The following DLGAP1 variants were observed in gnomAD, a reference collection of about 807,000 sequenced individuals.
The protein encoded by DLGAP1 is disks large-associated protein 1.
A neutral mutation model predicts 90.8 loss-of-function variants in DLGAP1; 11 were observed. The ratio of observed to expected loss-of-function variants is 0.12; its 90% CI spans 0.08 to 0.20. DLGAP1 has a LOEUF of 0.20. Among genes scored for constraint, DLGAP1 ranks in the 10% least tolerant of loss-of-function variants. DLGAP1 has a pLI of 1.00. For synonymous variants in DLGAP1, 558 were observed against 540.7 expected, an observed-to-expected ratio of 1.03 and a Z score of -0.44; for missense variants, 1,050 against 1,333.8, an observed-to-expected ratio of 0.79 and a Z score of 3.31.
chr18:3,632,774 A>T (rs2058571280), intron 7 of DLGAP1, among the ~76,000 whole-genome samples: 1 of 151,910 alleles, frequency 6.6e-6, no homozygotes, highest in South Asian at 2.1e-4. Context: ...TCTGTAGAGG[A>T]TTATCATTTG....
In DLGAP1 at chr18:4,091,011, G is replaced by A. The variant is rs146625972; in HGVS notation, c.-159+60169C>T. Among the ~76,000 whole-genome samples the A allele has an allele frequency of 5.9e-3, 899 of 152,268 alleles. 11 individuals carry two copies. Among genetic ancestry groups the A allele is most frequent in the African/African-American group, 0.02 (846 of 41,572 alleles). On this transcript the variant is annotated intron_variant, in intron 2 of 12. Transcript: ENST00000315677. ...ACAAGAACAGAAAAGCAAACACTGCGTGTTCTCATTCAAAAGTGGGAGCTG... is the reference window on the plus strand; with the variant it reads ...ACAAGAACAGAAAAGCAAACACTGCATGTTCTCATTCAAAAGTGGGAGCTG...
intron 2 of DLGAP1, among the ~76,000 whole-genome samples, chr18:4,068,689 A>G (rs982868742): frequency 3.9e-5 from 6 of 152,168 alleles, no homozygotes; most frequent in African/African-American, 1.4e-4. Context: ...TTATTTTTGG[A>G]ATCATAGGGA....
At chr18:3,534,066 T>A in intron 10 of DLGAP1, 128 bp downstream of exon 10, 1 of 1,041,572 alleles carries the variant, frequency 9.6e-7, no homozygotes, top group African/African-American at 1.6e-5. Flanking sequence ...TCCTGCATGT[T>A]CTGGTTTGGG....
chr18:3,874,514 TCTG>T, intron 4 of DLGAP1: 1 of 1,448,832 alleles, frequency 6.9e-7, no homozygotes, highest in Non-Finnish European at 9.0e-7. Flanking sequence ...AACCAAGAAT[TCTG>T]CTTTTTAAAA....
intron 7 of DLGAP1, among the ~76,000 whole-genome samples, chr18:3,600,855 G>A (rs866183374): frequency 3.2e-5 from 1 of 31,376 alleles, no homozygotes; most frequent in African/African-American, 1.6e-4. Context: ...TAGATATATA[G>A]ATATATATAG....
At chr18:3,943,598 C>T (rs986694446) in intron 3 of DLGAP1, among the ~76,000 whole-genome samples, 1 of 151,908 alleles carries the variant, frequency 6.6e-6, no homozygotes, top group Non-Finnish European at 1.5e-5. Flanking sequence ...CAGAGAGTAT[C>T]AAGCATACCT....
chr18:3,880,962 A>AAAAAAG (rs1568276676), intron 3 of DLGAP1, among the ~76,000 whole-genome samples: 3 of 150,624 alleles, frequency 2.0e-5, no homozygotes, highest in East Asian at 2.0e-4. Flanking sequence ...AAAAAAAAAA[A>AAAAAAG]AAAAAGAAAA....
At chr18:4,300,344 G>A (rs1310880949) in intron 1 of DLGAP1, among the ~76,000 whole-genome samples, 1 of 152,066 alleles carries the variant, frequency 6.6e-6, no homozygotes, top group Non-Finnish European at 1.5e-5. Context: ...TTTATCTGTA[G>A]ATCGTAAAAT....
intron 1 of DLGAP1, among the ~76,000 whole-genome samples, chr18:4,239,847 G>C (rs1418269647): frequency 6.6e-6 from 1 of 152,152 alleles, no homozygotes; most frequent in Admixed American, 6.5e-5. Flanking sequence ...GTCCAAGTTG[G>C]TCCAACTTCA....
chr18:3,669,570 C>T (rs1286235804), intron 7 of DLGAP1, among the ~76,000 whole-genome samples: 23 of 152,328 alleles, frequency 1.5e-4, no homozygotes, highest in South Asian at 2.1e-4. Flanking sequence ...TCGATAGACT[C>T]CCGCACATGG....
intron 5 of DLGAP1, among the ~76,000 whole-genome samples, chr18:3,744,311 C>G (rs537522624): frequency 6.6e-6 from 1 of 151,818 alleles, no homozygotes; most frequent in Non-Finnish European, 1.5e-5. Context: ...AGCTTTTCCA[C>G]GTAACATCAA....
chr18:3,718,347 T>G (rs894068673), intron 7 of DLGAP1, among the ~76,000 whole-genome samples: 50 of 151,974 alleles, frequency 3.3e-4, no homozygotes, highest in African/African-American at 1.2e-3. Flanking sequence ...AGAGGCACTG[T>G]GTGCTGGGTA....
chr18:3,807,844 C>T (rs2066637841), intron 5 of DLGAP1, among the ~76,000 whole-genome samples: 2 of 152,202 alleles, frequency 1.3e-5, no homozygotes, highest in East Asian at 1.9e-4. Flanking sequence ...TTTAAAGGCA[C>T]ACAAGGAGTT....
intron 5 of DLGAP1, among the ~76,000 whole-genome samples, chr18:3,742,974 C>T (rs2063120863): frequency 6.7e-6 from 1 of 150,330 alleles, no homozygotes; most frequent in Non-Finnish European, 1.5e-5. Flanking sequence ...TCCTTCCTTC[C>T]TTCCTTCCTT....
intron 1 of DLGAP1, among the ~76,000 whole-genome samples, chr18:4,417,813 C>T (rs2082935826): frequency 6.6e-6 from 1 of 152,176 alleles, no homozygotes; most frequent in African/African-American, 2.4e-5. Context: ...AAGGAAGCCA[C>T]ACTTCAATAT....
intron 4 of DLGAP1, among the ~76,000 whole-genome samples, chr18:3,839,713 G>A (rs1398010139): frequency 6.6e-6 from 1 of 152,198 alleles, no homozygotes; most frequent in African/African-American, 2.4e-5. Flanking sequence ...GTCTTTTTCA[G>A]AATGTATTTT....
intron 1 of DLGAP1, among the ~76,000 whole-genome samples, chr18:4,180,423 T>C (rs1302303190): frequency 6.6e-6 from 1 of 152,148 alleles, no homozygotes; most frequent in African/African-American, 2.4e-5. Flanking sequence ...TCCACACATT[T>C]GACATTGCCC....
chr18:3,709,728 T>C (rs558359895), intron 7 of DLGAP1, among the ~76,000 whole-genome samples: 7 of 152,294 alleles, frequency 4.6e-5, no homozygotes, highest in East Asian at 1.9e-4. Context: ...GCAGGCACGA[T>C]TTCCCCCAGC....
intron 9 of DLGAP1, among the ~76,000 whole-genome samples, chr18:3,547,718 C>A (rs1328306997): frequency 6.6e-6 from 1 of 152,066 alleles, no homozygotes; most frequent in African/African-American, 2.4e-5. Context: ...CCTATATTAA[C>A]TAGTAATTCT....
Sources: allele counts gnomAD v4.1 joint callset (sites outside exome capture counted in the v4.1 genomes callset), GRCh38; gene constraint gnomAD v4.1.1; transcripts MANE v1.5; gene names NCBI Gene and HGNC (gene_info 2026-07-23, HGNC 2026-07-21).